The following PDZRN4 variants were observed in gnomAD, a reference collection of about 807,000 sequenced individuals.
PDZRN4 encodes PDZ domain-containing RING finger protein 4.
A neutral mutation model predicts 99.0 loss-of-function variants in PDZRN4; 70 were observed. The ratio of observed to expected loss-of-function variants is 0.71; its 90% CI spans 0.58 to 0.86. The LOEUF is 0.86. Ranked by LOEUF, PDZRN4 falls within the 40% of genes least tolerant of loss-of-function variation. The pLI is 0.00. For synonymous variants in PDZRN4, 551 were observed against 501.6 expected, an observed-to-expected ratio of 1.10 and a Z score of -1.32; for missense variants, 1,474 against 1,331.2, an observed-to-expected ratio of 1.11 and a Z score of -1.67.
intron 3 of PDZRN4, among the ~76,000 whole-genome samples, chr12:41,366,893 A>T (rs991638524): frequency 1.2e-4 from 19 of 152,122 alleles, no homozygotes; most frequent in African/African-American, 4.6e-4. Flanking sequence ...ATTCTGAATT[A>T]TTTGAAATGT....
intron 3 of PDZRN4, among the ~76,000 whole-genome samples, chr12:41,318,911 G>A (rs770354348): frequency 9.2e-5 from 14 of 152,242 alleles, no homozygotes; most frequent in Non-Finnish European, 1.8e-4. Flanking sequence ...AAAGTGGCCT[G>A]TCACAAGGAT....
intron 3 of PDZRN4, chr12:41,412,503 G>A (rs1326865867): frequency 1.3e-5 from 2 of 152,172 alleles, no homozygotes; most frequent in African/African-American, 4.8e-5. Flanking sequence ...TTTGGAAGGA[G>A]AGACGGGTGA....
At chr12:41,273,674 A>G (rs1408361561) in intron 3 of PDZRN4, among the ~76,000 whole-genome samples, 1 of 151,484 alleles carries the variant, frequency 6.6e-6, no homozygotes. Flanking sequence ...AGAAATTAGC[A>G]ATTTTAGGAA....
chr12:41,522,628 A>G (rs1938512187), intron 5 of PDZRN4, among the ~76,000 whole-genome samples: 1 of 152,100 alleles, frequency 6.6e-6, no homozygotes, highest in African/African-American at 2.4e-5. Flanking sequence ...TGCAGGTTCT[A>G]TTCTTTATGT....
intron 3 of PDZRN4, among the ~76,000 whole-genome samples, chr12:41,347,042 C>T (rs1347021778): frequency 6.6e-6 from 1 of 152,136 alleles, no homozygotes; most frequent in Non-Finnish European, 1.5e-5. Flanking sequence ...TTTAGTTTAT[C>T]TATCAGTTGA....
intron 3 of PDZRN4, among the ~76,000 whole-genome samples, chr12:41,462,886 T>C (rs992455495): frequency 2.6e-5 from 4 of 152,122 alleles, no homozygotes; most frequent in Non-Finnish European, 5.9e-5. Context: ...ATTTGAGATG[T>C]GTAAAAGGAA....
At position 41,443,327 on chromosome 12, in the gene PDZRN4, G is replaced by C. The variant is rs80167174; in HGVS notation, c.844-63129G>C. On this transcript the variant is annotated intron_variant, in intron 3 of 9. Coordinates refer to ENST00000402685, the MANE Select transcript of PDZRN4 (RefSeq NM_001164595.2). ...GGAGGAGAAACTAAAATGATGAAAG[G>C]GTTTTTAAAAAGCCAGTGGAAGTGG... Among the ~76,000 whole-genome samples the C allele has an allele frequency of 6.9e-3, 1,057 of 152,116 alleles. 13 individuals are homozygous for C. The highest frequency in any genetic ancestry group is 0.023 in the African/African-American group (958 of 41,510).
chr12:41,446,401 A>G (rs1274572365), intron 3 of PDZRN4, among the ~76,000 whole-genome samples: 4 of 152,020 alleles, frequency 2.6e-5, no homozygotes, highest in East Asian at 1.9e-4. Flanking sequence ...GAGTATAGGA[A>G]CAAAGAGAAT....
intron 7 of PDZRN4, among the ~76,000 whole-genome samples, chr12:41,559,450 T>A (rs1457541823): frequency 3.3e-5 from 5 of 152,116 alleles, no homozygotes; most frequent in African/African-American, 1.2e-4. Flanking sequence ...CATTTCTGAA[T>A]CAGATAACAA....
intron 5 of PDZRN4, among the ~76,000 whole-genome samples, chr12:41,546,662 G>A (rs373579902): frequency 1.3e-5 from 2 of 151,928 alleles, no homozygotes; most frequent in South Asian, 2.1e-4. Flanking sequence ...CCAAAAAAAA[G>A]ATACTACATC....
intron 3 of PDZRN4, among the ~76,000 whole-genome samples, chr12:41,312,419 G>T (rs1484117969): frequency 6.6e-6 from 1 of 152,068 alleles, no homozygotes; most frequent in Non-Finnish European, 1.5e-5. Flanking sequence ...ACTTGACTTT[G>T]CCTATCTGTA....
At chr12:41,503,909 G>A (rs766063465) in intron 3 of PDZRN4, among the ~76,000 whole-genome samples, 3 of 152,146 alleles carry the variant, frequency 2.0e-5, no homozygotes, top group East Asian at 3.9e-4. Flanking sequence ...ACCACTATTA[G>A]GGATTCCTCT....
intron 3 of PDZRN4, among the ~76,000 whole-genome samples, chr12:41,197,772 A>T (rs1025384998): frequency 1.3e-5 from 2 of 152,210 alleles, no homozygotes; most frequent in Non-Finnish European, 2.9e-5. Flanking sequence ...GGAAGAAGGC[A>T]TGACCATTGC....
intron 3 of PDZRN4, among the ~76,000 whole-genome samples, chr12:41,312,606 A>T (rs902129220): frequency 1.3e-5 from 2 of 152,162 alleles, no homozygotes; most frequent in African/African-American, 4.8e-5. Flanking sequence ...AAGAGCAAAG[A>T]TGTGTCTAAC....
Position 41,326,667 on chromosome 12 carries a change from G to C in PDZRN4, c.843+132479G>C, listed in dbSNP as rs573087426. Among the ~76,000 whole-genome samples the C allele has an allele frequency of 1.6e-3, 251 of 152,240 alleles. 1 individual carries two copies. Among genetic ancestry groups the C allele is most frequent in the Middle Eastern group, 3.4e-3 (1 of 294 alleles). On this transcript the variant is annotated intron_variant, in intron 3 of 9. Coordinates refer to ENST00000402685, the MANE Select transcript of PDZRN4 (RefSeq NM_001164595.2). ...GTTATTAGCATCAAGCATAATTCTGGTGCAGGCAGTTATCTTCGACCCAGT... is the reference window on the plus strand; with the variant it reads ...GTTATTAGCATCAAGCATAATTCTGCTGCAGGCAGTTATCTTCGACCCAGT...
chr12:41,465,687 T>C (rs939847436), intron 3 of PDZRN4, among the ~76,000 whole-genome samples: 3 of 152,190 alleles, frequency 2.0e-5, no homozygotes, highest in African/African-American at 7.2e-5. Context: ...ATCTGGACAG[T>C]TGGGAACTAA....
chr12:41,571,507 T>G (rs1267214706), intron 9 of PDZRN4, among the ~76,000 whole-genome samples: 1 of 152,020 alleles, frequency 6.6e-6, no homozygotes, highest in African/African-American at 2.4e-5. Flanking sequence ...CTGTTCAAAT[T>G]TTCATGGGAC....
intron 3 of PDZRN4, among the ~76,000 whole-genome samples, chr12:41,209,920 A>T (rs1950877227): frequency 6.7e-6 from 1 of 149,502 alleles, no homozygotes; most frequent in Non-Finnish European, 1.5e-5. Flanking sequence ...AGGAATCACC[A>T]CACTGACTTC....
At chr12:41,522,506 T>A (rs961651930) in intron 5 of PDZRN4, among the ~76,000 whole-genome samples, 1 of 152,126 alleles carries the variant, frequency 6.6e-6, no homozygotes, top group Non-Finnish European at 1.5e-5. Context: ...CATAGATTAA[T>A]TCATATAGGT....
Sources: allele counts gnomAD v4.1 joint callset (sites outside exome capture counted in the v4.1 genomes callset), GRCh38; gene constraint gnomAD v4.1.1; transcripts MANE v1.5; gene names NCBI Gene and HGNC (gene_info 2026-07-23, HGNC 2026-07-21).